The following MZT1 variants were observed in gnomAD, a reference collection of about 807,000 sequenced individuals.
MZT1 encodes mitotic-spindle organizing protein 1.
Under a neutral mutation model 8.5 loss-of-function variants are expected in MZT1, and 8 were observed. The observed-to-expected ratio is 0.94, with a 90% CI of 0.55 to 1.70. The LOEUF is 1.70. MZT1 is among the 40% of genes most tolerant of loss of function. MZT1 has a pLI of 0.00. For synonymous variants in MZT1, 38 were observed against 42.0 expected (o/e 0.90, Z 0.37); for missense variants, 93 against 108.6 (o/e 0.86, Z 0.64).
chr13:72,716,972 T>C (rs2032541132), intron 2 of MZT1, among the ~76,000 whole-genome samples: 1 of 152,152 alleles, frequency 6.6e-6, no homozygotes, highest in African/African-American at 2.4e-5. Flanking sequence ...ATCCCACTAA[T>C]CTGATAGCCT....
Position 72,719,107 on chromosome 13 carries a change from G to C in MZT1, c.80-10C>G. The C allele has an allele frequency of 1.7e-6, 2 of 1,191,530 alleles. No homozygotes were observed. Among genetic ancestry groups the C allele is most frequent in the East Asian group, 3.1e-5 (1 of 31,860 alleles). The allele number at this position is 1,191,530 out of a possible 1,614,324, so 73.8% of individuals were successfully genotyped here. On this transcript the variant is annotated splice_polypyrimidine_tract_variant and intron_variant, in intron 1 of 2. Transcript: ENST00000377818. ...GAAATCTCAAGCAGAACTGAAAAAA[G>C]ATACAAAAAAAAAAAAAACTTAAGG...
At chr13:72,727,503 G>T (rs1312192720) in intron 1 of MZT1, 21 bp downstream of exon 1, 1 of 1,612,814 alleles carries the variant, frequency 6.2e-7, no homozygotes, top group Non-Finnish European at 8.5e-7. Flanking sequence ...GCAAGGTAAA[G>T]GGAGCGCAAC....
rs2032476790 is a variant in MZT1, at chr13:72,710,363, G to T, written c.226-18C>A. On this transcript the variant is annotated intron_variant, in intron 2 of 2. Transcript: ENST00000377818. ...TCAGCAGCCTAGAACAAGAAAGTAA[G>T]ATTCATTACAATAAAACCATGGAAA... is the stretch of plus-strand genomic sequence containing the variant. 1.2e-6 allele frequency: 2 copies of T among 1,612,308 alleles called. No individual in the cohort carries two copies. Among genetic ancestry groups the T allele is most frequent in the East Asian group, 2.2e-5 (1 of 44,762 alleles).
rs552790863 is a variant in MZT1, at chr13:72,711,043, G to A, written c.226-698C>T. On this transcript the variant is annotated intron_variant, in intron 2 of 2. Transcript: ENST00000377818. ...AGACCTACCTACACAGGGACACATCGCAGATTTACACTAAAGTATTAGTAA... is the reference window on the plus strand; with the variant it reads ...AGACCTACCTACACAGGGACACATCACAGATTTACACTAAAGTATTAGTAA... 7.9e-5 allele frequency among the ~76,000 whole-genome samples: 12 copies of A among 152,074 alleles called. No individual in the cohort carries two copies. The South Asian group carries it at 1.5e-3, about 18-fold the overall frequency.
At chr13:72,724,811 G>A (rs1252984436) in intron 1 of MZT1, among the ~76,000 whole-genome samples, 15 of 139,724 alleles carry the variant, frequency 1.1e-4, no homozygotes, top group African/African-American at 3.9e-4. Flanking sequence ...CAGCACTTTG[G>A]GAGGCTGAGG....
At chr13:72,719,181 T>A in intron 1 of MZT1, 84 bp from the exon 2 acceptor site, 1 of 1,098,014 alleles carries the variant, frequency 9.1e-7, no homozygotes, top group Non-Finnish European at 1.2e-6. Flanking sequence ...AATTTATATA[T>A]CACTGCACAA....
chr13:72,720,313 A>G (rs1012579981), intron 1 of MZT1, among the ~76,000 whole-genome samples: 2 of 152,220 alleles, frequency 1.3e-5, no homozygotes. Flanking sequence ...TATTGCATGT[A>G]GTAGGGTAAA....
chr13:72,714,097 C>T (rs1003071115), intron 2 of MZT1, among the ~76,000 whole-genome samples: 6 of 151,586 alleles, frequency 4.0e-5, no homozygotes, highest in African/African-American at 1.5e-4. Context: ...CACGGCCCTT[C>T]CCATGACAGT....
chr13:72,717,268 A>G (rs779215134), intron 2 of MZT1, among the ~76,000 whole-genome samples: 5 of 152,102 alleles, frequency 3.3e-5, no homozygotes, highest in South Asian at 2.1e-4. Context: ...GAAATATCCA[A>G]GTTCATTGCT....
chr13:72,710,804 C>G (rs1287268010), intron 2 of MZT1, among the ~76,000 whole-genome samples: 1 of 152,156 alleles, frequency 6.6e-6, no homozygotes, highest in Non-Finnish European at 1.5e-5. Context: ...AACTACTACT[C>G]TTTCCCAGGT....
At chr13:72,715,256 C>T (rs1432225070) in intron 2 of MZT1, among the ~76,000 whole-genome samples, 3 of 152,142 alleles carry the variant, frequency 2.0e-5, no homozygotes, top group African/African-American at 4.8e-5. Flanking sequence ...GGGCCTGTAG[C>T]CTCTTTCATT....
At chr13:72,727,228 C>A (rs1271638889) in intron 1 of MZT1, among the ~76,000 whole-genome samples, 1 of 152,134 alleles carries the variant, frequency 6.6e-6, no homozygotes, top group East Asian at 1.9e-4. Flanking sequence ...GCGGGTAGGG[C>A]GGACCTGGGA....
chr13:72,710,448 C>T, intron 2 of MZT1, 103 bp from the exon 3 acceptor site: 1 of 1,054,184 alleles, frequency 9.5e-7, no homozygotes, highest in Non-Finnish European at 1.5e-6. Context: ...ACAACTATTC[C>T]CCATAAAACA....
intron 1 of MZT1, among the ~76,000 whole-genome samples, chr13:72,726,299 C>T (rs1200565656): frequency 2.6e-5 from 4 of 152,032 alleles, no homozygotes; most frequent in East Asian, 3.9e-4. Flanking sequence ...GGTGTTCTGG[C>T]GGGCACCTGT....
intron 2 of MZT1, among the ~76,000 whole-genome samples, chr13:72,714,912 G>T (rs2032520060): frequency 6.6e-6 from 1 of 152,174 alleles, no homozygotes; most frequent in South Asian, 2.1e-4. Context: ...GTGCAGAGGG[G>T]AAATATGGGG....
intron 1 of MZT1, among the ~76,000 whole-genome samples, chr13:72,725,224 T>C (rs1399871695): frequency 6.6e-6 from 1 of 152,034 alleles, no homozygotes; most frequent in Admixed American, 6.5e-5. Flanking sequence ...GAGGCAACCA[T>C]ACACAGTGGG....
In MZT1 at chr13:72,727,626, G is replaced by A. The variant is rs1464683219; in HGVS notation, c.-24C>T. ...ATGGCTAAGGCCGAGGGAGGCGGGA[G>A]AAGGGCCTGACCCGGAACTGGAGCG... On this transcript the variant is annotated 5_prime_UTR_variant, in exon 1 of 3. Coordinates refer to ENST00000377818, the MANE Select transcript of MZT1 (RefSeq NM_001071775.3). 3 of 1,567,280 alleles carry A rather than the reference G, an allele frequency of 1.9e-6. No homozygotes were observed. Among genetic ancestry groups the A allele is most frequent in the East Asian group, 2.4e-5 (1 of 42,062 alleles).
intron 1 of MZT1, among the ~76,000 whole-genome samples, chr13:72,721,965 AT>A (rs1267038780): frequency 6.6e-6 from 1 of 152,208 alleles, no homozygotes; most frequent in Non-Finnish European, 1.5e-5. Context: ...TTTCAAATTT[AT>A]TTCAGTAGCT....
chr13:72,721,754 G>A (rs1251389660), intron 1 of MZT1, among the ~76,000 whole-genome samples: 2 of 152,176 alleles, frequency 1.3e-5, no homozygotes, highest in Non-Finnish European at 2.9e-5. Flanking sequence ...CCAGTGTCTT[G>A]AAAACCATTG....
Sources: allele counts gnomAD v4.1 joint callset (sites outside exome capture counted in the v4.1 genomes callset), GRCh38; gene constraint gnomAD v4.1.1; transcripts MANE v1.5; gene names NCBI Gene and HGNC (gene_info 2026-07-23, HGNC 2026-07-21).